Variants in TUSC3 observed in about 807,000 individuals in gnomAD.
The protein encoded by TUSC3 is dolichyl-diphosphooligosaccharide--protein glycosyltransferase subunit TUSC3.
In TUSC3, 45 loss-of-function variants were observed where a neutral mutation model predicts 44.8. The ratio of observed to expected loss-of-function variants is 1.00; its 90% CI spans 0.79 to 1.29. The LOEUF is 1.29. Among genes scored for constraint, TUSC3 ranks in the 50% most tolerant of loss-of-function variants. The pLI is 0.00. For synonymous variants in TUSC3, 212 were observed against 152.9 expected (o/e 1.39, Z -2.85); for missense variants, 519 against 437.9 (o/e 1.19, Z -1.65).
chr8:15,637,262 A>T (rs998231915), intron 2 of TUSC3, among the ~76,000 whole-genome samples: 1 of 151,910 alleles, frequency 6.6e-6, no homozygotes, highest in African/African-American at 2.4e-5. Flanking sequence ...TTGTTCTCTT[A>T]CCTGCTTTTA....
intron 2 of TUSC3, 98 bp from the exon 3 acceptor site, chr8:15,650,599 A>T: frequency 2.1e-6 from 2 of 949,612 alleles, no homozygotes; most frequent in South Asian, 2.7e-5. Context: ...CTGTACAAAA[A>T]CTGGCCAGTG....
chr8:15,803,925 A>T, the TUSC3 span, among the ~76,000 whole-genome samples: 1 of 152,194 alleles, frequency 6.6e-6, no homozygotes, highest in Admixed American at 6.5e-5. Context: ...TATATGTGCC[A>T]CATTTTCTTT....
chr8:15,638,977 G>C (rs1806228456), intron 2 of TUSC3, among the ~76,000 whole-genome samples: 1 of 150,392 alleles, frequency 6.6e-6, no homozygotes, highest in Non-Finnish European at 1.5e-5. Context: ...GTCGATGCTA[G>C]ATCACGTGAT....
At chr8:15,789,689 C>T in the TUSC3 span, among the ~76,000 whole-genome samples, 99,320 of 152,016 alleles carry the variant, frequency 0.65, 33,407 homozygotes, top group African/African-American at 0.79. Flanking sequence ...ATGAACAAAA[C>T]TTAAAAGATG....
rs1240216913 is a variant in TUSC3, at chr8:15,695,824, C to T, written c.798+21988C>T. ...AGAGACAGGTGGCATTTTGCCCCTG[C>T]CCTAGAGATTTGTGGAACTTTGAAC... On this transcript the variant is annotated intron_variant, in intron 6 of 10. Transcript: ENST00000503731. Among the ~76,000 whole-genome samples, 3 of 152,266 alleles carry T rather than the reference C, an allele frequency of 2.0e-5. No homozygotes were observed. The East Asian group carries it at 5.8e-4, about 29-fold the overall frequency.
intron 1 of TUSC3, among the ~76,000 whole-genome samples, chr8:15,605,315 C>T (rs1157106303): frequency 1.3e-5 from 2 of 151,834 alleles, no homozygotes; most frequent in African/African-American, 2.4e-5. Flanking sequence ...TTGCATGTCT[C>T]TTAAACTGTC....
intron 1 of TUSC3, among the ~76,000 whole-genome samples, chr8:15,476,577 C>T (rs562505557): frequency 1.3e-5 from 2 of 152,202 alleles, no homozygotes; most frequent in East Asian, 3.9e-4. Flanking sequence ...ATTCTGTTAC[C>T]AGGGGTGGGT....
At chr8:15,715,973 G>A (rs1157211875) in intron 6 of TUSC3, among the ~76,000 whole-genome samples, 3 of 152,016 alleles carry the variant, frequency 2.0e-5, no homozygotes, top group African/African-American at 7.2e-5. Flanking sequence ...TCTAATGGAA[G>A]GGTTGGGTGT....
chr8:15,458,066 G>A lies in TUSC3; in HGVS notation n.92-25320G>A, dbSNP rs534603661. Among the ~76,000 whole-genome samples, 32 of 151,886 alleles carry A rather than the reference G, an allele frequency of 2.1e-4. 1 individual carries two copies. The highest frequency in any genetic ancestry group is 5.3e-4 in the African/African-American group (22 of 41,456). On this transcript the variant is annotated intron_variant and non_coding_transcript_variant, in intron 1 of 5. Coordinates refer to the TUSC3 transcript ENST00000503191. Reference sequence around the variant, plus strand: ...ACTCTTTAGGAACACATCTAGATGCGTTAACATTATATCAACAGGAAAGCA... The same window carrying A: ...ACTCTTTAGGAACACATCTAGATGCATTAACATTATATCAACAGGAAAGCA...
At chr8:15,536,480 G>A (rs931539753), upstream of TUSC3, among the ~76,000 whole-genome samples, 13 of 151,764 alleles carry the variant, frequency 8.6e-5, no homozygotes, top group Admixed American at 7.2e-4. Flanking sequence ...TCAGTAGTAC[G>A]AGACCAGCCT....
intron 6 of TUSC3, among the ~76,000 whole-genome samples, chr8:15,698,117 A>T (rs1247800384): frequency 1.3e-5 from 2 of 152,186 alleles, no homozygotes; most frequent in East Asian, 1.9e-4. Context: ...AATGAATCTT[A>T]AAAAATACTA....
intron 2 of TUSC3, among the ~76,000 whole-genome samples, chr8:15,492,041 C>T (rs558346406): frequency 6.6e-6 from 1 of 152,282 alleles, no homozygotes; most frequent in East Asian, 1.9e-4. Flanking sequence ...TCCTGAAATG[C>T]CTTTACTCCT....
chr8:15,504,616 TATATA>T (rs1452950504), intron 2 of TUSC3, among the ~76,000 whole-genome samples: 135 of 23,986 alleles, frequency 5.6e-3, no homozygotes, highest in African/African-American at 8.8e-3. Flanking sequence ...TATATATATA[TATATA>T]TTTTTTTTTT....
At chr8:15,790,178 CCTT>C in the TUSC3 span, among the ~76,000 whole-genome samples, 1 of 118,186 alleles carries the variant, frequency 8.5e-6, no homozygotes, top group African/African-American at 3.5e-5. Flanking sequence ...ATTGTTAAGG[CCTT>C]TTTTTTTTTT....
intron 6 of TUSC3, among the ~76,000 whole-genome samples, chr8:15,692,026 C>A (rs1448432234): frequency 6.6e-6 from 1 of 152,212 alleles, no homozygotes; most frequent in East Asian, 1.9e-4. Context: ...AGTGATCCAC[C>A]CACCACGGCT....
chr8:15,512,872 G>GTGTATATATATGTA (rs761482107), intron 2 of TUSC3, among the ~76,000 whole-genome samples: 2 of 132,284 alleles, frequency 1.5e-5, no homozygotes, highest in Non-Finnish European at 3.1e-5. Context: ...ATATGTGTGT[G>GTGTATATATATGTA]TATATATATA....
At chr8:15,523,706 GTGTA>G (rs1434995657) in intron 2 of TUSC3, among the ~76,000 whole-genome samples, 35 of 112,840 alleles carry the variant, frequency 3.1e-4, no homozygotes, top group East Asian at 2.0e-3. Context: ...GTGTGTGTGT[GTGTA>G]TATATATATA....
chr8:15,475,963 T>A (rs540535592), intron 1 of TUSC3, among the ~76,000 whole-genome samples: 1 of 152,302 alleles, frequency 6.6e-6, no homozygotes, highest in South Asian at 2.1e-4. Flanking sequence ...ACAGGACTTC[T>A]GGAATTTTAA....
At chr8:15,457,809 TTTA>T (rs1470179219) in intron 1 of TUSC3, among the ~76,000 whole-genome samples, 1 of 85,904 alleles carries the variant, frequency 1.2e-5, no homozygotes, top group African/African-American at 4.4e-5. Flanking sequence ...AATAAAATAA[TTTA>T]TTAGATAATT....
Sources: gnomAD v4.1 joint callset for allele counts (sites outside exome capture counted in the v4.1 genomes callset) on GRCh38, gnomAD v4.1.1 for gene constraint, MANE v1.5 for transcripts, NCBI Gene and HGNC (gene_info 2026-07-23, HGNC 2026-07-21) for gene names.